The following ASTN2 variants were observed in gnomAD, a reference collection of about 807,000 sequenced individuals.
ASTN2 encodes the protein astrotactin 2, also known as astrotactin-2.
ASTN2 carries 54 observed loss-of-function variants against 139.8 expected under a neutral mutation model. The observed-to-expected ratio is 0.39, with a 90% CI of 0.31 to 0.48. ASTN2 has a LOEUF of 0.48. ASTN2 is among the 20% of genes least tolerant of loss of function. The pLI is 0.95. For missense variants in ASTN2, 1,565 were observed against 1,725.1 expected, an observed-to-expected ratio of 0.91 and a Z score of 1.64; for synonymous variants, 756 against 719.5, an observed-to-expected ratio of 1.05 and a Z score of -0.81.
chr9:116,747,894 G>A (rs913950305), intron 13 of ASTN2, among the ~76,000 whole-genome samples: 2 of 152,130 alleles, frequency 1.3e-5, no homozygotes, highest in Non-Finnish European at 2.9e-5. Context: ...TGCGATCCCT[G>A]AAATTGAAAG....
chr9:117,271,638 G>T (rs1364316873), intron 2 of ASTN2, among the ~76,000 whole-genome samples: 2 of 152,140 alleles, frequency 1.3e-5, no homozygotes, highest in Non-Finnish European at 2.9e-5. Flanking sequence ...GACACAATGG[G>T]GTACAGATAT....
At chr9:117,241,935 C>A (rs1833222557) in intron 2 of ASTN2, among the ~76,000 whole-genome samples, 1 of 144,976 alleles carries the variant, frequency 6.9e-6, no homozygotes, top group Admixed American at 6.9e-5. Context: ...CCCCCCCCCA[C>A]ACACACACAC....
chr9:116,901,429 G>A (rs1020514481), intron 10 of ASTN2, among the ~76,000 whole-genome samples: 1 of 152,120 alleles, frequency 6.6e-6, no homozygotes, highest in African/African-American at 2.4e-5. Flanking sequence ...GAGGTAGAGG[G>A]TTGCCTGAGT....
chr9:116,592,487 C>G (rs949890119), intron 19 of ASTN2, among the ~76,000 whole-genome samples: 1 of 152,144 alleles, frequency 6.6e-6, no homozygotes, highest in African/African-American at 2.4e-5. Context: ...CTTCCACCAG[C>G]CCTCGCCTCC....
At chr9:116,509,173 G>A (rs191859737) in intron 19 of ASTN2, among the ~76,000 whole-genome samples, 4 of 152,054 alleles carry the variant, frequency 2.6e-5, no homozygotes, top group East Asian at 3.9e-4. Context: ...CTCACCCCAC[G>A]ACAGGCCCTG....
At chr9:116,821,577 A>G (rs1831485938) in intron 11 of ASTN2, among the ~76,000 whole-genome samples, 1 of 152,198 alleles carries the variant, frequency 6.6e-6, no homozygotes, top group African/African-American at 2.4e-5. Context: ...CAAATGGCCA[A>G]CAGAGTGCTA....
Position 116,924,235 on chromosome 9 carries a change from C to T in ASTN2, c.1889+50973G>A, listed in dbSNP as rs1279714923. Among the ~76,000 whole-genome samples, 3 of 150,812 alleles carry T rather than the reference C, an allele frequency of 2.0e-5. No individual in the cohort carries two copies. The East Asian group carries it at 5.8e-4, about 29-fold the overall frequency. On this transcript the variant is annotated intron_variant, in intron 10 of 22. Coordinates refer to ENST00000313400, the MANE Select transcript of ASTN2 (RefSeq NM_001365068.1). ...ACCAGCCTGGCCAACATGGTGAAAT[C>T]CTATCTCTACTAAAAATATAAAAAA... is the stretch of plus-strand genomic sequence containing the variant.
chr9:116,512,730 T>C (rs939239830), intron 19 of ASTN2, among the ~76,000 whole-genome samples: 4 of 152,240 alleles, frequency 2.6e-5, no homozygotes, highest in African/African-American at 9.6e-5. Context: ...CTCTTCTTGC[T>C]GAATTGATCC....
intron 1 of ASTN2, among the ~76,000 whole-genome samples, chr9:117,312,846 C>T (rs1430281879): frequency 6.6e-6 from 1 of 152,066 alleles, no homozygotes; most frequent in Non-Finnish European, 1.5e-5. Flanking sequence ...ATTTTGGAAA[C>T]ATTTTGAATC....
At chr9:116,973,010 C>T (rs1836251985) in intron 10 of ASTN2, among the ~76,000 whole-genome samples, 1 of 152,146 alleles carries the variant, frequency 6.6e-6, no homozygotes, top group South Asian at 2.1e-4. Context: ...CCATGATATG[C>T]TTGCCTGGGC....
In ASTN2 at chr9:116,976,130, G is replaced by A; in HGVS notation, c.1735C>T (p.Pro579Ser). 1.2e-6 allele frequency: 2 copies of A among 1,614,106 alleles called. No homozygotes were observed. Among genetic ancestry groups the A allele is most frequent in the African/African-American group, 1.3e-5 (1 of 75,022 alleles). Residue 579 changes from proline (P) to serine (S), a missense_variant, in exon 9 of 23, where the codon CCT (proline) becomes TCT (serine). Coordinates refer to ENST00000313400, the MANE Select transcript of ASTN2 (RefSeq NM_001365068.1). ...CCAACTCACCTGAGAATCTTTTCAG[G>A]GGCTTGCTCCCCTGTCACCAGATCA... The part of the protein sequence containing the change: ...GYDLVTGEQA[P>S]EKILRSTFSL...
chr9:116,737,599 T>C (rs1373839794), intron 13 of ASTN2, among the ~76,000 whole-genome samples: 1 of 105,494 alleles, frequency 9.5e-6, no homozygotes, highest in Non-Finnish European at 1.9e-5. Context: ...ATGCTGTAGC[T>C]CATGTGCCAA....
intron 22 of ASTN2, among the ~76,000 whole-genome samples, chr9:116,431,636 A>T (rs939714925): frequency 1.3e-5 from 2 of 152,210 alleles, no homozygotes; most frequent in Non-Finnish European, 2.9e-5. Context: ...GCAACAAAAG[A>T]CAAGTGGGCA....
intron 20 of ASTN2, among the ~76,000 whole-genome samples, chr9:116,481,117 G>C (rs1849154152): frequency 6.6e-6 from 1 of 152,138 alleles, no homozygotes; most frequent in African/African-American, 2.4e-5. Flanking sequence ...TCTGGGCATG[G>C]TTGCACATGC....
chr9:116,544,735 G>C (rs1014066448), intron 19 of ASTN2, among the ~76,000 whole-genome samples: 13 of 152,130 alleles, frequency 8.5e-5, no homozygotes, highest in Admixed American at 2.0e-4. Flanking sequence ...TAGGGGCCAG[G>C]CCTCTAGACC....
rs528928032 is a variant in ASTN2 at position 117,397,064 on chromosome 9, C to T, written c.442+17433G>A. On this transcript the variant is annotated intron_variant, in intron 1 of 22. Coordinates refer to ENST00000313400, the MANE Select transcript of ASTN2 (RefSeq NM_001365068.1). ...TCAAGCAATTCTCCTGCTTCAGCCT[C>T]CCAAGTAGCTGGGATTACAGGCATG... is the stretch of plus-strand genomic sequence containing the variant. Among the ~76,000 whole-genome samples the T allele has an allele frequency of 1.4e-3, 206 of 151,668 alleles. 2 individuals are homozygous for T. In the Middle Eastern group the frequency reaches 0.027, roughly 20 times the overall value.
intron 17 of ASTN2, among the ~76,000 whole-genome samples, chr9:116,632,314 C>T (rs1856846435): frequency 1.5e-5 from 2 of 131,306 alleles, no homozygotes; most frequent in Admixed American, 1.7e-4. Flanking sequence ...ATATGTACAA[C>T]TATTATGTAT....
intron 4 of ASTN2, among the ~76,000 whole-genome samples, chr9:117,117,859 C>G (rs1051195888): frequency 8.5e-5 from 13 of 152,168 alleles, no homozygotes; most frequent in African/African-American, 2.9e-4. Context: ...AGACATGGCA[C>G]TCATTCCCAG....
chr9:117,095,963 T>C (rs1231870672), intron 5 of ASTN2, 81 bp downstream of exon 5: 2 of 1,323,828 alleles, frequency 1.5e-6, no homozygotes, highest in Non-Finnish European at 2.2e-6. Flanking sequence ...AGATTTAGGA[T>C]TTGCTAGTGA....
Sources: gnomAD v4.1 joint callset for allele counts (sites outside exome capture counted in the v4.1 genomes callset) on GRCh38, gnomAD v4.1.1 for gene constraint, MANE v1.5 for transcripts, NCBI Gene and HGNC (gene_info 2026-07-23, HGNC 2026-07-21) for gene names.